NPSR1: variants seen among roughly 807,000 people sequenced by gnomAD.
NPSR1 encodes neuropeptide S receptor.
In NPSR1, 48 loss-of-function variants were observed where a neutral mutation model predicts 46.9. The observed-to-expected ratio is 1.02, with a 90% CI of 0.81 to 1.30. The LOEUF is 1.30. Ranked by LOEUF, NPSR1 falls within the 50% of genes most tolerant of loss-of-function variation. The pLI is 0.00. For missense variants in NPSR1, 450 were observed against 449.5 expected (o/e 1.00, Z -0.01); for synonymous variants, 176 against 168.1 (o/e 1.05, Z -0.36).
At chr7:34,786,680 G>C (rs1039812841) in intron 3 of NPSR1, among the ~76,000 whole-genome samples, 3 of 152,130 alleles carry the variant, frequency 2.0e-5, no homozygotes, top group African/African-American at 7.2e-5. Context: ...TCTATGGGAT[G>C]CAAAATGGAT....
chr7:34,773,991 T>C (rs1191022918), intron 2 of NPSR1, among the ~76,000 whole-genome samples: 1 of 152,196 alleles, frequency 6.6e-6, no homozygotes, highest in African/African-American at 2.4e-5. Context: ...CAAGTCCCTT[T>C]CATTCAGGTC....
intron 2 of NPSR1, among the ~76,000 whole-genome samples, chr7:34,700,595 T>C (rs1246598906): frequency 6.6e-6 from 1 of 152,216 alleles, no homozygotes; most frequent in Non-Finnish European, 1.5e-5. Context: ...CAAGAATGGC[T>C]ATTCCCCTAT....
chr7:34,772,568 C>T (rs903985334), intron 2 of NPSR1, among the ~76,000 whole-genome samples: 2 of 152,114 alleles, frequency 1.3e-5, no homozygotes, highest in Non-Finnish European at 2.9e-5. Flanking sequence ...ATGGGTAGTA[C>T]AGAAAAGAGT....
intron 2 of NPSR1, among the ~76,000 whole-genome samples, chr7:34,777,593 G>A (rs1787026828): frequency 6.7e-6 from 1 of 150,312 alleles, no homozygotes; most frequent in Non-Finnish European, 1.5e-5. Flanking sequence ...TACTTTTTTT[G>A]TGTGTAGATA....
chr7:34,770,358 T>C lies in NPSR1; in HGVS notation c.281-8104T>C, dbSNP rs34789443. On this transcript the variant is annotated intron_variant, in intron 2 of 8. Transcript: ENST00000360581. ...ACCTTCTCAGTAAGGACTTTTCTTATAGCTTAGAACAGTCATAGGATTTTT... is the reference window on the plus strand; with the variant it reads ...ACCTTCTCAGTAAGGACTTTTCTTACAGCTTAGAACAGTCATAGGATTTTT... Among the ~76,000 whole-genome samples, 1,171 of 152,316 alleles carry C rather than the reference T, an allele frequency of 7.7e-3. 14 individuals carry two copies. The highest frequency in any genetic ancestry group is 0.026 in the African/African-American group (1,091 of 41,568).
chr7:34,864,878 T>C (rs1043635469), intron 8 of NPSR1, among the ~76,000 whole-genome samples: 7 of 151,900 alleles, frequency 4.6e-5, no homozygotes, highest in African/African-American at 1.7e-4. Flanking sequence ...TGTTCACCCA[T>C]GCCTGTGTTT....
chr7:34,685,233 G>T (rs1240894522), intron 2 of NPSR1, among the ~76,000 whole-genome samples: 1 of 152,182 alleles, frequency 6.6e-6, no homozygotes, highest in Non-Finnish European at 1.5e-5. Flanking sequence ...TTCAGTAGAA[G>T]AGTGAGCACA....
At chr7:34,827,012 C>A (rs34264203) in intron 4 of NPSR1, among the ~76,000 whole-genome samples, 1 of 152,268 alleles carries the variant, frequency 6.6e-6, no homozygotes, top group African/African-American at 2.4e-5. Flanking sequence ...TGTAGCCCTG[C>A]CTGGTAACAA....
intron 2 of NPSR1, among the ~76,000 whole-genome samples, chr7:34,697,470 T>C (rs1793590761): frequency 6.6e-6 from 1 of 151,906 alleles, no homozygotes; most frequent in Non-Finnish European, 1.5e-5. Context: ...CCATGGAGGA[T>C]TAGTTCCAGA....
intron 2 of NPSR1, among the ~76,000 whole-genome samples, chr7:34,739,526 T>C (rs1429491396): frequency 6.6e-6 from 1 of 152,248 alleles, no homozygotes; most frequent in Non-Finnish European, 1.5e-5. Flanking sequence ...GTTAACCATT[T>C]GTGTATCATC....
rs535991989 is a variant in NPSR1, at chr7:34,732,079, CAAAAAAAAAA to C, written c.281-46368_281-46359del. 3.2e-5 allele frequency among the ~76,000 whole-genome samples: 3 copies of C among 93,896 alleles called. No individual in the cohort carries two copies. In the Admixed American group the frequency reaches 3.6e-4, roughly 11 times the overall value. 61.6% of individuals were successfully genotyped at this position (93,896 alleles called of 152,430 possible). ...TGGGTGACAGAGTGAGACTTCATCTCAAAAAAAAAAAAAAAAAAAAAAAATAGCAACACTT... is the reference window on the plus strand; with the variant it reads ...TGGGTGACAGAGTGAGACTTCATCTCAAAAAAAAAAAAAATAGCAACACTT... On this transcript the variant is annotated intron_variant, in intron 2 of 8. Coordinates refer to ENST00000360581, the MANE Select transcript of NPSR1 (RefSeq NM_207172.2).
rs545908459 is a variant in NPSR1, at chr7:34,780,392, T to A, written c.384+1827T>A. Among the ~76,000 whole-genome samples the A allele has an allele frequency of 6.6e-5, 10 of 152,242 alleles. No homozygotes were observed. In the South Asian group the frequency reaches 8.3e-4, roughly 13 times the overall value. On this transcript the variant is annotated intron_variant, in intron 3 of 8. Transcript: ENST00000360581. ...GTCAGTAAAATTTTTTCTAACTGTATCTACAATAAATGTTAAGACTATATA... is the reference window on the plus strand; with the variant it reads ...GTCAGTAAAATTTTTTCTAACTGTAACTACAATAAATGTTAAGACTATATA...
At chr7:34,785,387 G>T (rs559037269) in intron 3 of NPSR1, among the ~76,000 whole-genome samples, 3 of 112,804 alleles carry the variant, frequency 2.7e-5, no homozygotes, top group African/African-American at 1.0e-4. Context: ...GTTGTGGGGT[G>T]GGGGGAGGGG....
intron 2 of NPSR1, among the ~76,000 whole-genome samples, chr7:34,699,830 A>G (rs976134428): frequency 6.6e-6 from 1 of 152,196 alleles, no homozygotes; most frequent in African/African-American, 2.4e-5. Context: ...TCAGTCTGTA[A>G]CAGGGAACAG....
intron 1 of NPSR1, among the ~76,000 whole-genome samples, chr7:34,679,159 A>G (rs2128680141): frequency 6.6e-6 from 1 of 152,306 alleles, no homozygotes; most frequent in South Asian, 2.1e-4. Context: ...AACAAATTAA[A>G]ATAAAAACAC....
At chr7:34,789,857 T>C (rs1282917757) in intron 3 of NPSR1, among the ~76,000 whole-genome samples, 1 of 147,598 alleles carries the variant, frequency 6.8e-6, no homozygotes, top group Non-Finnish European at 1.5e-5. Flanking sequence ...AACACACCAA[T>C]ACTAAGGAGA....
At chr7:34,734,713 G>A (rs1214387354) in intron 2 of NPSR1, among the ~76,000 whole-genome samples, 1 of 152,226 alleles carries the variant, frequency 6.6e-6, no homozygotes, top group Admixed American at 6.5e-5. Context: ...ATCCCATTAT[G>A]TGAGATTAGA....
In NPSR1 at chr7:34,802,254, C is replaced by T. The variant is rs917830682; in HGVS notation, c.385-9516C>T. Among the ~76,000 whole-genome samples the T allele has an allele frequency of 1.3e-4, 20 of 150,216 alleles. 2 individuals carry two copies. The highest frequency in any genetic ancestry group is 7.9e-4 in the Admixed American group (12 of 15,192). On this transcript the variant is annotated intron_variant, in intron 3 of 8. Transcript: ENST00000360581. The stretch of plus-strand genomic sequence containing the variant: ...TGGAACCAAAAAAGAGCTCACATCG[C>T]GAAGTCAATCCTAAGCCAAAAGAAC...
chr7:34,799,662 C>G (rs185282886), intron 3 of NPSR1, among the ~76,000 whole-genome samples: 3 of 146,622 alleles, frequency 2.0e-5, no homozygotes, highest in African/African-American at 7.7e-5. Flanking sequence ...CATCAACTAA[C>G]GAGCAAAATA....
Sources: gnomAD v4.1 joint callset for allele counts (sites outside exome capture counted in the v4.1 genomes callset) on GRCh38, gnomAD v4.1.1 for gene constraint, MANE v1.5 for transcripts, NCBI Gene and HGNC (gene_info 2026-07-23, HGNC 2026-07-21) for gene names.